Variants in SGF29 observed in about 807,000 individuals in gnomAD.
SGF29 encodes SAGA-associated factor 29.
Under a neutral mutation model 38.1 loss-of-function variants are expected in SGF29, and 15 were observed. That is an observed-to-expected ratio of 0.39 (90% CI 0.26 to 0.61). SGF29 has a LOEUF of 0.61. Ranked by LOEUF, SGF29 falls within the 20% of genes least tolerant of loss-of-function variation. The probability of loss-of-function intolerance (pLI) is 0.49; values close to 1 mark genes in which losing one functional copy is unlikely to be tolerated. For missense variants in SGF29, 184 were observed against 394.6 expected (o/e 0.47, Z 4.52); for synonymous variants, 151 against 160.8 (o/e 0.94, Z 0.46).
At chr16:28,570,189 C>G (rs1473264863) in intron 1 of SGF29, among the ~76,000 whole-genome samples, 1 of 152,250 alleles carries the variant, frequency 6.6e-6, no homozygotes, top group East Asian at 1.9e-4. Context: ...AGGGCTGTTG[C>G]ATGGGCTGTG....
At chr16:28,559,073 A>G (rs1164821901) in intron 1 of SGF29, among the ~76,000 whole-genome samples, 2 of 152,174 alleles carry the variant, frequency 1.3e-5, no homozygotes, top group African/African-American at 4.8e-5. Context: ...ATCCCAGCAC[A>G]TTTTGGGAGG....
At chr16:28,589,953 T>C (rs943086355) in intron 5 of SGF29, 143 bp from the exon 6 acceptor site, 19 of 1,187,856 alleles carry the variant, frequency 1.6e-5, no homozygotes, top group Middle Eastern at 5.8e-4. Flanking sequence ...ACATGGCCGA[T>C]GGGGTCACAG....
At chr16:28,571,266 T>C (rs1356387812) in intron 1 of SGF29, among the ~76,000 whole-genome samples, 4 of 152,048 alleles carry the variant, frequency 2.6e-5, no homozygotes, top group African/African-American at 9.7e-5. Context: ...GCCTGGATCT[T>C]GTACTTTCCG....
chr16:28,567,214 G>A (rs1429829882), intron 1 of SGF29, among the ~76,000 whole-genome samples: 4 of 152,100 alleles, frequency 2.6e-5, no homozygotes, highest in Non-Finnish European at 5.9e-5. Flanking sequence ...GGTCTTTTCT[G>A]GATAGAGATG....
Position 28,590,338 on chromosome 16 carries a change from C to G in SGF29, c.462C>G (p.Tyr154Ter), listed in dbSNP as rs775701541. The change falls in exon 7 of 10, where the codon TAC (tyrosine) becomes TAG (stop). Residue 154 changes from tyrosine to a stop codon, truncating the protein, a stop_gained. Transcript: ENST00000317058. LOFTEE classifies it high-confidence loss of function. The surrounding 1 kb of genome is among the most constrained non-coding windows in gnomAD (Gnocchi z 8.2). ...GGGCCATCCCTGCCTCAGGAGACTA[C>G]GTGGCCAGACCTGGAGACAAGGTGG... ...LCGAIPASGD[Y>*]VARPGDKVAA... The G allele has an allele frequency of 2.5e-6, 4 of 1,613,082 alleles. No individual in the cohort carries two copies. The highest frequency in any genetic ancestry group is 3.4e-6 in the Non-Finnish European group (4 of 1,179,524).
chr16:28,570,936 T>G (rs1247685776), intron 1 of SGF29, among the ~76,000 whole-genome samples: 1 of 152,128 alleles, frequency 6.6e-6, no homozygotes, highest in Non-Finnish European at 1.5e-5. Flanking sequence ...GAGTTGATGC[T>G]AGAATGAGTT....
chr16:28,566,134 C>T (rs1261950321), intron 1 of SGF29, among the ~76,000 whole-genome samples: 4 of 151,786 alleles, frequency 2.6e-5, no homozygotes, highest in East Asian at 2.0e-4. Flanking sequence ...ATTAGCCAGG[C>T]GTGGTGGCGG....
In SGF29 at chr16:28,591,602, T is replaced by G. The variant is rs1414023934; in HGVS notation, c.778T>G (p.Tyr260Asp). Residue 260 changes from tyrosine to aspartate, a missense_variant, in exon 10 of 10, where the codon TAC becomes GAC. Around this residue, in one of 2 missense-constraint regions of SGF29, gnomAD observed 107 missense variants for 276.9 expected, o/e 0.39. Coordinates refer to ENST00000317058, the MANE Select transcript of SGF29 (RefSeq NM_138414.3). ...GCCTGCCCCACAGCCCCAGGATGAC[T>G]ACTCGGTCCTGTTTGAAGACACCTC... ...HAPPQRPQDD[Y>D]SVLFEDTSYA... 2 of 1,613,572 alleles carry G rather than the reference T, an allele frequency of 1.2e-6. No individual in the cohort carries two copies. The highest frequency in any genetic ancestry group is 8.5e-7 in the Non-Finnish European group (1 of 1,179,488).
chr16:28,571,602 A>AG (rs1302139455), intron 1 of SGF29, among the ~76,000 whole-genome samples: 2 of 151,656 alleles, frequency 1.3e-5, no homozygotes, highest in Non-Finnish European at 2.9e-5. Flanking sequence ...AAAAAAAAAA[A>AG]AAAAAAAGAT....
intron 1 of SGF29, among the ~76,000 whole-genome samples, chr16:28,564,580 C>CACATATAT (rs1450326835): frequency 8.6e-6 from 1 of 116,318 alleles, no homozygotes; most frequent in Non-Finnish European, 1.8e-5. Flanking sequence ...TATATATACA[C>CACATATAT]GTATATATAT....
chr16:28,576,346 A>T (rs114662495), intron 1 of SGF29, among the ~76,000 whole-genome samples: 5,177 of 152,168 alleles, frequency 0.034, 311 homozygotes, highest in African/African-American at 0.12. Flanking sequence ...ACAGACCCCC[A>T]TGACACATAT....
At chr16:28,566,257 G>T (rs1306145788) in intron 1 of SGF29, among the ~76,000 whole-genome samples, 1 of 148,862 alleles carries the variant, frequency 6.7e-6, no homozygotes, top group African/African-American at 2.5e-5. Context: ...CTGGGCAACA[G>T]ATCAAGACTC....
chr16:28,557,569 G>C (rs980078322), intron 1 of SGF29, among the ~76,000 whole-genome samples: 47 of 152,206 alleles, frequency 3.1e-4, no homozygotes, highest in African/African-American at 1.1e-3. Flanking sequence ...TGGAAACCCT[G>C]ATTTATAGTC....
chr16:28,560,602 AAAAG>A (rs1296753113), intron 1 of SGF29, among the ~76,000 whole-genome samples: 4 of 149,288 alleles, frequency 2.7e-5, no homozygotes, highest in Non-Finnish European at 5.9e-5. Context: ...AAAAAAAAAA[AAAAG>A]AACGAAAATT....
intron 3 of SGF29, 153 bp downstream of exon 3, chr16:28,585,141 T>C (rs542169672): frequency 1.6e-6 from 1 of 606,788 alleles, no homozygotes; most frequent in South Asian, 2.1e-5. Context: ...TCCGTTAATC[T>C]GGGTGACCTG....
chr16:28,559,276 C>T (rs1166051330), intron 1 of SGF29, among the ~76,000 whole-genome samples: 2 of 152,290 alleles, frequency 1.3e-5, no homozygotes, highest in African/African-American at 2.4e-5. Context: ...GCTGTAATTA[C>T]ACCACTTCAC....
chr16:28,578,302 T>C (rs1284626077), intron 1 of SGF29, among the ~76,000 whole-genome samples: 1 of 152,098 alleles, frequency 6.6e-6, no homozygotes, highest in Non-Finnish European at 1.5e-5. Context: ...GTTGTACTTC[T>C]TCCTTTCCAA....
intron 1 of SGF29, 158 bp downstream of exon 1, chr16:28,554,255 T>TG (rs1218953699): frequency 2.1e-3 from 31 of 14,930 alleles, no homozygotes; most frequent in African/African-American, 9.8e-3. Context: ...CTCGTGGGGG[T>TG]GGGGGCGGGA....
chr16:28,582,501 C>T (rs183514575), intron 2 of SGF29, among the ~76,000 whole-genome samples: 136 of 152,256 alleles, frequency 8.9e-4, no homozygotes, highest in African/African-American at 3.1e-3. Flanking sequence ...TTGTTACAAA[C>T]GCACCACTCT....
Sources: allele counts gnomAD v4.1 joint callset (sites outside exome capture counted in the v4.1 genomes callset), GRCh38; gene constraint gnomAD v4.1.1; regional missense constraint gnomAD v4.1.1; non-coding constraint Gnocchi (gnomAD v3.1); transcripts MANE v1.5; gene names NCBI Gene and HGNC (gene_info 2026-07-23, HGNC 2026-07-21).